Variants in ZNF483 observed in about 807,000 individuals in gnomAD.
ZNF483 encodes zinc finger protein HIT-10.
ZNF483 carries 9 observed loss-of-function variants against 28.6 expected under a neutral mutation model. That is an observed-to-expected ratio of 0.32 (90% CI 0.19 to 0.55). The LOEUF is 0.55. ZNF483 is among the 20% of genes least tolerant of loss of function. The probability of loss-of-function intolerance (pLI) is 0.93; values close to 1 mark genes in which losing one functional copy is unlikely to be tolerated. For synonymous variants in ZNF483, 322 were observed against 306.2 expected, an observed-to-expected ratio of 1.05 and a Z score of -0.54; for missense variants, 675 against 871.7, an observed-to-expected ratio of 0.77 and a Z score of 2.84.
chr9:111,564,598 G>A (rs149117756), intron 5 of ZNF483, among the ~76,000 whole-genome samples: 8 of 151,924 alleles, frequency 5.3e-5, no homozygotes, highest in East Asian at 1.9e-4. Context: ...GAGCCACTGC[G>A]CCTGGCTGAG....
intron 5 of ZNF483, chr9:111,562,797 G>T: frequency 2.9e-6 from 1 of 344,266 alleles, no homozygotes; most frequent in Non-Finnish European, 4.6e-6. Context: ...CCCTCCCTAT[G>T]TCCATGTGTT....
chr9:111,576,463 G>C (rs923506762), exon 6 of ZNF483: 1 of 1,613,080 alleles, frequency 6.2e-7, no homozygotes, highest in Non-Finnish European at 8.5e-7. Context: ...GATGACCAGA[G>C]GATGGGGCCA....
chr9:111,546,744 T>C lies in ZNF483; in HGVS notation c.*3574T>C. 6.6e-6 allele frequency among the ~76,000 whole-genome samples: 1 copy of C among 152,184 alleles called. No homozygotes were observed. Among genetic ancestry groups the C allele is most frequent in the East Asian group, 1.9e-4 (1 of 5,196 alleles). ...GTTATACAGCTCAATAGCATTTAGA[T>C]AGATGCACATTTTGTGCAGTCATCA... On this transcript the variant is annotated 3_prime_UTR_variant, in exon 6 of 6. Coordinates refer to ENST00000309235, the MANE Select transcript of ZNF483 (RefSeq NM_133464.5).
At chr9:111,540,407 C>T (rs1180337702) in intron 5 of ZNF483, among the ~76,000 whole-genome samples, 2 of 152,030 alleles carry the variant, frequency 1.3e-5, no homozygotes, top group Non-Finnish European at 2.9e-5. Context: ...TGGTAAAAAG[C>T]CAGGATGTAG....
intron 5 of ZNF483, chr9:111,563,080 T>C: frequency 6.2e-7 from 1 of 1,602,170 alleles, no homozygotes; most frequent in Non-Finnish European, 8.5e-7. Flanking sequence ...ACAAATTAAC[T>C]AATCATCTAA....
chr9:111,531,625 C>T (rs1282656624), intron 3 of ZNF483, among the ~76,000 whole-genome samples: 1 of 152,192 alleles, frequency 6.6e-6, no homozygotes, highest in African/African-American at 2.4e-5. Context: ...ATCCACCCAC[C>T]TCAGCCTCCC....
chr9:111,577,124 C>T (rs968863408), exon 6 of ZNF483: 7 of 151,818 alleles, frequency 4.6e-5, no homozygotes, highest in African/African-American at 1.5e-4. Flanking sequence ...TCACAAATAA[C>T]CTAGTTCAAA....
Position 111,550,303 on chromosome 9 carries a change from A to G in ZNF483, c.*7133A>G, listed in dbSNP as rs572942064. On this transcript the variant is annotated 3_prime_UTR_variant, in exon 6 of 6. Coordinates refer to ENST00000309235, the MANE Select transcript of ZNF483 (RefSeq NM_133464.5). ...ACTTTAGCCAGTTGGGGGTTGGGAGAATGGTAGCTTGCTTCTTTGTCTGCT... is the reference window on the plus strand; with the variant it reads ...ACTTTAGCCAGTTGGGGGTTGGGAGGATGGTAGCTTGCTTCTTTGTCTGCT... Among the ~76,000 whole-genome samples, 2 of 152,176 alleles carry G rather than the reference A, an allele frequency of 1.3e-5. No individual in the cohort carries two copies. The highest frequency in any genetic ancestry group is 4.8e-5 in the African/African-American group (2 of 41,524).
In ZNF483 at chr9:111,553,108, CT is replaced by C. The variant is rs1564604085; in HGVS notation, c.*9940del. 6.6e-6 allele frequency among the ~76,000 whole-genome samples: 1 copy of C among 152,124 alleles called. No individual in the cohort carries two copies. Among genetic ancestry groups the C allele is most frequent in the Non-Finnish European group, 1.5e-5 (1 of 68,002 alleles). ...AGTAATTTTGTGTATTCTTTTTTGA[CT>C]TACACTCACTAAATGGTTGCTAAAA... On this transcript the variant is annotated 3_prime_UTR_variant, in exon 6 of 6. Transcript: ENST00000309235.
At chr9:111,536,959 C>T (rs1827522303) in intron 5 of ZNF483, among the ~76,000 whole-genome samples, 1 of 152,128 alleles carries the variant, frequency 6.6e-6, no homozygotes, top group African/African-American at 2.4e-5. Context: ...AAATGGCAGA[C>T]AATTGCAGCT....
chr9:111,557,959 C>G (rs1223472328), downstream of ZNF483, among the ~76,000 whole-genome samples: 1 of 151,990 alleles, frequency 6.6e-6, no homozygotes, highest in Non-Finnish European at 1.5e-5. Flanking sequence ...CCAGCCTGGC[C>G]AAAATAGTGA....
At chr9:111,567,735 G>C (rs1335365381) in intron 5 of ZNF483, among the ~76,000 whole-genome samples, 1 of 152,120 alleles carries the variant, frequency 6.6e-6, no homozygotes, top group African/African-American at 2.4e-5. Context: ...TTAACAGATC[G>C]CTATGGCCAC....
Position 111,543,489 on chromosome 9 carries a change from G to A in ZNF483, c.*319G>A, listed in dbSNP as rs974191927. On this transcript the variant is annotated 3_prime_UTR_variant, in exon 6 of 6. Transcript: ENST00000309235. ...GTAGTGTGATGGAGAGAACTTGACT[G>A]CAGTCACATAACTTGGATTCTGTCC... 8.5e-5 allele frequency: 89 copies of A among 1,043,822 alleles called. No individual in the cohort carries two copies. The highest frequency in any genetic ancestry group is 1.0e-4 in the Non-Finnish European group (87 of 868,328). 64.7% of individuals were successfully genotyped at this position (1,043,822 alleles called of 1,614,324 possible).
chr9:111,567,566 A>T lies in ZNF483; in HGVS notation c.722-8799A>T, dbSNP rs188057007. Among the ~76,000 whole-genome samples the T allele has an allele frequency of 1.7e-3, 255 of 150,152 alleles. 2 individuals carry two copies. The highest frequency in any genetic ancestry group is 6.2e-3 in the African/African-American group (243 of 39,472). ...CAGAGGGGTGGAGGAGACTGGGCCA[A>T]GTAAATAAGAGGATGAATACTAAGA... On this transcript the variant is annotated intron_variant, in intron 5 of 5. Transcript: ENST00000358151.
chr9:111,555,610 T>TA (rs556123750), downstream of ZNF483, among the ~76,000 whole-genome samples: 80 of 152,240 alleles, frequency 5.3e-4, no homozygotes, highest in Non-Finnish European at 9.6e-4. Context: ...CTCAGGAACT[T>TA]ACAGTCATGG....
Position 111,549,860 on chromosome 9 carries a change from C to G in ZNF483, c.*6690C>G. 9.4e-7 allele frequency: 1 copy of G among 1,060,012 alleles called. No homozygotes were observed. Among genetic ancestry groups the G allele is most frequent in the Non-Finnish European group, 1.4e-6 (1 of 712,316 alleles). 65.7% of individuals were successfully genotyped at this position (1,060,012 alleles called of 1,614,324 possible). A position where few individuals can be genotyped will look rare whatever the true frequency, so the allele number is the denominator to read the frequency against. ...ATCTTTAAGGCAGTTGCTTTAAAGT[C>G]TGTCTAGTGAGTCAATGTTTGGTCT... On this transcript the variant is annotated 3_prime_UTR_variant, in exon 6 of 6. Transcript: ENST00000309235.
Position 111,548,054 on chromosome 9 carries a change from A to G in ZNF483, c.*4884A>G, listed in dbSNP as rs528354038. 4.7e-4 allele frequency among the ~76,000 whole-genome samples: 71 copies of G among 152,252 alleles called. No homozygotes were observed. Among genetic ancestry groups the G allele is most frequent in the Admixed American group, 1.2e-3 (18 of 15,284 alleles). ...AATGTTTTGTAATCAGGATTACACT[A>G]CGTTTCCTGTAGTATGTTTTTGAAA... is the stretch of plus-strand genomic sequence containing the variant. On this transcript the variant is annotated 3_prime_UTR_variant, in exon 6 of 6. Coordinates refer to ENST00000309235, the MANE Select transcript of ZNF483 (RefSeq NM_133464.5).
At chr9:111,559,988 C>T (rs1254634932), downstream of ZNF483, among the ~76,000 whole-genome samples, 2 of 152,136 alleles carry the variant, frequency 1.3e-5, no homozygotes, top group Non-Finnish European at 2.9e-5. Context: ...TATTTAACCC[C>T]TTATCTCTAT....
At position 111,552,790 on chromosome 9, in the gene ZNF483, T is replaced by A. The variant is rs576508969; in HGVS notation, c.*9620T>A. On this transcript the variant is annotated 3_prime_UTR_variant, in exon 6 of 6. Coordinates refer to ENST00000309235, the MANE Select transcript of ZNF483 (RefSeq NM_133464.5). ...CAAGATTTGAATTAATTGGTCTTTA[T>A]TATTAAAATATAAATATTCTATTAG... is the stretch of plus-strand genomic sequence containing the variant. 2.6e-4 allele frequency among the ~76,000 whole-genome samples: 39 copies of A among 152,068 alleles called. No homozygotes were observed. Among genetic ancestry groups the A allele is most frequent in the Admixed American group, 2.0e-4 (3 of 15,252 alleles).
Sources: allele counts gnomAD v4.1 joint callset (sites outside exome capture counted in the v4.1 genomes callset), GRCh38; gene constraint gnomAD v4.1.1; transcripts MANE v1.5; gene names NCBI Gene and HGNC (gene_info 2026-07-23, HGNC 2026-07-21).